PITPNM2: variants seen among roughly 807,000 people sequenced by gnomAD.
PITPNM2 encodes the protein phosphatidylinositol transfer protein membrane associated 2, also known as membrane-associated phosphatidylinositol transfer protein 2.
Under a neutral mutation model 132.2 loss-of-function variants are expected in PITPNM2, and 35 were observed. The observed-to-expected ratio is 0.26, with a 90% CI of 0.20 to 0.35. PITPNM2 has a LOEUF of 0.35. PITPNM2 is among the 10% of genes least tolerant of loss of function. The probability of loss-of-function intolerance (pLI) is 1.00; values close to 1 mark genes in which losing one functional copy is unlikely to be tolerated. For missense variants in PITPNM2, 1,332 were observed against 1,912.0 expected (o/e 0.70, Z 5.66); for synonymous variants, 738 against 799.2 (o/e 0.92, Z 1.29).
At chr12:123,139,480 G>A (rs2043454952) in intron 1 of PITPNM2, among the ~76,000 whole-genome samples, 3 of 148,718 alleles carry the variant, frequency 2.0e-5, no homozygotes, top group African/African-American at 4.9e-5. Context: ...CAGCCTGGGC[G>A]ACAATGAGAG....
chr12:122,987,497 G>C lies in PITPNM2; in HGVS notation c.3263+14C>G, dbSNP rs111929455. The C allele has an allele frequency of 6.2e-7, 1 of 1,611,462 alleles. No homozygotes were observed. The highest frequency in any genetic ancestry group is 1.1e-5 in the South Asian group (1 of 91,056). ...TCGCCCTGCCTATCCCGCCCTCCCA[G>C]TGCAGGCATATACCTGACCACCATC... On this transcript the variant is annotated intron_variant, in intron 22 of 25. Coordinates refer to ENST00000320201, the MANE Select transcript of PITPNM2 (RefSeq NM_020845.3).
At chr12:123,067,615 G>T (rs2041470423) in intron 2 of PITPNM2, among the ~76,000 whole-genome samples, 1 of 152,240 alleles carries the variant, frequency 6.6e-6, no homozygotes, top group South Asian at 2.1e-4. Context: ...ACCAGAAGCT[G>T]CAAGAGGCAA....
intron 1 of PITPNM2, among the ~76,000 whole-genome samples, chr12:123,128,851 T>C: frequency 6.6e-6 from 1 of 151,194 alleles, no homozygotes; most frequent in Non-Finnish European, 1.5e-5. Context: ...TTAAGATTAA[T>C]GAGGCTGGGG....
chr12:123,147,392 G>A (rs1040336078), intron 1 of PITPNM2, among the ~76,000 whole-genome samples: 1 of 152,062 alleles, frequency 6.6e-6, no homozygotes, highest in African/African-American at 2.4e-5. Context: ...ATAACTCACT[G>A]CAGCCTGAAA....
intron 1 of PITPNM2, among the ~76,000 whole-genome samples, chr12:123,135,406 A>C (rs1455674208): frequency 6.6e-6 from 1 of 152,174 alleles, no homozygotes; most frequent in Non-Finnish European, 1.5e-5. Context: ...AACAAAACTT[A>C]AGTGTAAAAT....
chr12:123,068,284 G>A (rs1023686321), intron 2 of PITPNM2, among the ~76,000 whole-genome samples: 78 of 151,930 alleles, frequency 5.1e-4, no homozygotes, highest in Middle Eastern at 3.4e-3. Context: ...TGGCTAACAC[G>A]GTGAAACCCC....
intron 3 of PITPNM2, among the ~76,000 whole-genome samples, chr12:123,027,975 C>T (rs1371852944): frequency 3.3e-5 from 5 of 152,230 alleles, no homozygotes; most frequent in Admixed American, 1.3e-4. Flanking sequence ...GCCACCCCCT[C>T]GTCCCTGCCT....
chr12:123,122,730 G>C (rs1328138553), intron 1 of PITPNM2, among the ~76,000 whole-genome samples: 1 of 152,200 alleles, frequency 6.6e-6, no homozygotes, highest in African/African-American at 2.4e-5. Context: ...GAGCCCCTCA[G>C]TCGTGTGCAA....
Position 123,000,825 on chromosome 12 carries a change from G to A in PITPNM2, c.1177C>T (p.Pro393Ser), listed in dbSNP as rs769245852. ...TQDGLYRQGA[P>S]EFRVASSVEQ... ...ACACTGGAGGCCACCCTGAACTCAG[G>A]GGCACCCTGGCGGTACAGACCATCT... is the stretch of plus-strand genomic sequence containing the variant. The change falls in exon 10 of 26, where the codon CCT (proline) becomes TCT (serine). Residue 393 changes from proline to serine, a missense_variant. Coordinates refer to ENST00000320201, the MANE Select transcript of PITPNM2 (RefSeq NM_020845.3). This position sits in a 1 kb window ranked among gnomAD's most constrained non-coding sequence, Gnocchi z 5.4. 2.2e-5 allele frequency: 35 copies of A among 1,613,950 alleles called. No homozygotes were observed. The highest frequency in any genetic ancestry group is 3.0e-5 in the Non-Finnish European group (35 of 1,180,042).
At chr12:123,001,743 T>A (rs2038690199) in intron 8 of PITPNM2, among the ~76,000 whole-genome samples, 1 of 152,156 alleles carries the variant, frequency 6.6e-6, no homozygotes, top group Non-Finnish European at 1.5e-5. Context: ...TTAAAAATGC[T>A]ATATTGACCA....
intron 2 of PITPNM2, among the ~76,000 whole-genome samples, chr12:123,070,775 G>A (rs780771765): frequency 3.9e-5 from 6 of 152,218 alleles, no homozygotes; most frequent in African/African-American, 7.2e-5. Context: ...AGGACCAACC[G>A]GTTCTTCAGA....
intron 2 of PITPNM2, among the ~76,000 whole-genome samples, chr12:123,043,542 T>A (rs1307677045): frequency 1.3e-5 from 2 of 152,148 alleles, no homozygotes; most frequent in African/African-American, 4.8e-5. Context: ...AATCTCACCA[T>A]TGTACACCTG....
At chr12:123,139,426 G>A (rs901258113) in intron 1 of PITPNM2, among the ~76,000 whole-genome samples, 3 of 151,818 alleles carry the variant, frequency 2.0e-5, no homozygotes, top group Non-Finnish European at 2.9e-5. Flanking sequence ...GCATGAACCC[G>A]GGAGGCGGAG....
chr12:122,994,106 TC>T lies in PITPNM2; in HGVS notation c.2233+694del, dbSNP rs377513559. On this transcript the variant is annotated intron_variant, in intron 15 of 25. Transcript: ENST00000320201. This position sits in a 1 kb window ranked among gnomAD's most constrained non-coding sequence, Gnocchi z 5.4. ...TCAGGCTGGTCTCAAACTCCTGACC[TC>T]AGCTGATCCGCCCGCCTCGGCCTCC... is the stretch of plus-strand genomic sequence containing the variant. Among the ~76,000 whole-genome samples, 2 of 152,026 alleles carry T rather than the reference TC, an allele frequency of 1.3e-5. No homozygotes were observed. The highest frequency in any genetic ancestry group is 4.8e-5 in the African/African-American group (2 of 41,276).
At chr12:123,003,750 T>G (rs1464113047) in intron 8 of PITPNM2, among the ~76,000 whole-genome samples, 2 of 152,218 alleles carry the variant, frequency 1.3e-5, no homozygotes, top group South Asian at 4.1e-4. Context: ...TTGGGCTGGC[T>G]CAGCCACTGG....
At chr12:123,047,902 C>G (rs907045447) in intron 2 of PITPNM2, among the ~76,000 whole-genome samples, 2 of 152,120 alleles carry the variant, frequency 1.3e-5, no homozygotes, top group Admixed American at 1.3e-4. Context: ...AGATCGAGAC[C>G]ATCCTGGCCA....
intron 1 of PITPNM2, among the ~76,000 whole-genome samples, chr12:123,136,705 G>A (rs1220852323): frequency 1.3e-5 from 2 of 151,940 alleles, no homozygotes; most frequent in East Asian, 1.9e-4. Flanking sequence ...ACACCATCCT[G>A]GCTAATGCAG....
At chr12:122,998,576 A>G (rs2038526130) in intron 10 of PITPNM2, among the ~76,000 whole-genome samples, 1 of 152,194 alleles carries the variant, frequency 6.6e-6, no homozygotes, top group Admixed American at 6.5e-5. Flanking sequence ...GAGAGGGGCC[A>G]CTGATGAGTA....
At chr12:123,028,050 AGGCCT>A (rs1243199714) in intron 3 of PITPNM2, among the ~76,000 whole-genome samples, 1 of 152,240 alleles carries the variant, frequency 6.6e-6, no homozygotes, top group Non-Finnish European at 1.5e-5. Flanking sequence ...CAGCAGAGAC[AGGCCT>A]GGCTCCCCAG....
Sources: allele counts gnomAD v4.1 joint callset (sites outside exome capture counted in the v4.1 genomes callset), GRCh38; gene constraint gnomAD v4.1.1; non-coding constraint Gnocchi (gnomAD v3.1); transcripts MANE v1.5; gene names NCBI Gene and HGNC (gene_info 2026-07-23, HGNC 2026-07-21).